The following PLPPR5 variants were observed in gnomAD, a reference collection of about 807,000 sequenced individuals.
PLPPR5 encodes phospholipid phosphatase-related protein type 5.
In PLPPR5, 16 loss-of-function variants were observed where a neutral mutation model predicts 33.9. The ratio of observed to expected loss-of-function variants is 0.47; its 90% confidence interval spans 0.32 to 0.72. PLPPR5 has a LOEUF of 0.72. Ranked by LOEUF, PLPPR5 falls within the 30% of genes least tolerant of loss-of-function variation. The pLI is 0.03. For missense variants in PLPPR5, 301 were observed against 406.7 expected, an observed-to-expected ratio of 0.74 and a Z score of 2.23; for synonymous variants, 163 against 150.3, an observed-to-expected ratio of 1.08 and a Z score of -0.62.
At chr1:98,932,998 C>T (rs537988747) in intron 3 of PLPPR5, among the ~76,000 whole-genome samples, 7 of 152,020 alleles carry the variant, frequency 4.6e-5, no homozygotes, top group Admixed American at 6.5e-5. Flanking sequence ...ATCTATGTAC[C>T]GCCCATTGAT....
At chr1:98,910,572 A>C (rs1261616093) in intron 5 of PLPPR5, among the ~76,000 whole-genome samples, 4 of 152,368 alleles carry the variant, frequency 2.6e-5, no homozygotes, top group East Asian at 3.9e-4. Context: ...GTGATTATAC[A>C]TACATTTAAG....
upstream of PLPPR5, among the ~76,000 whole-genome samples, chr1:99,005,417 T>C (rs1363302526): frequency 3.3e-5 from 5 of 152,108 alleles, no homozygotes; most frequent in Non-Finnish European, 7.4e-5. Context: ...TAGGCGCTGT[T>C]AGAAAAATCT....
intron 1 of PLPPR5, among the ~76,000 whole-genome samples, chr1:98,997,511 G>A (rs1020519942): frequency 6.6e-6 from 1 of 152,130 alleles, no homozygotes; most frequent in Non-Finnish European, 1.5e-5. Context: ...CAAAATGAAC[G>A]AGATGATTCT....
At chr1:98,906,164 A>G (rs1322593754) in intron 5 of PLPPR5, among the ~76,000 whole-genome samples, 5 of 148,104 alleles carry the variant, frequency 3.4e-5, no homozygotes, top group Admixed American at 1.4e-4. Context: ...CAGTGTGTGT[A>G]TATATATATA....
At chr1:98,900,250 G>A (rs1648647874) in intron 5 of PLPPR5, among the ~76,000 whole-genome samples, 4 of 151,910 alleles carry the variant, frequency 2.6e-5, no homozygotes, top group African/African-American at 9.7e-5. Flanking sequence ...TCTTGCCCTC[G>A]TGCCCTTATC....
chr1:98,978,546 A>T (rs72730401), intron 1 of PLPPR5, among the ~76,000 whole-genome samples: 13,840 of 152,100 alleles, frequency 0.091, 732 homozygotes, highest in Non-Finnish European at 0.11. Flanking sequence ...CCTGGAACAC[A>T]TCTTTTGCCA....
intron 1 of PLPPR5, among the ~76,000 whole-genome samples, chr1:98,999,363 G>A (rs1652745241): frequency 6.6e-6 from 1 of 152,172 alleles, no homozygotes; most frequent in Non-Finnish European, 1.5e-5. Flanking sequence ...ACGGAGGCAT[G>A]GAGAGGCTAA....
At chr1:98,919,964 A>G (rs1649485326) in intron 4 of PLPPR5, among the ~76,000 whole-genome samples, 1 of 152,188 alleles carries the variant, frequency 6.6e-6, no homozygotes, top group South Asian at 2.1e-4. Context: ...ACATTCATAA[A>G]TGGCTGTGAA....
At chr1:99,002,454 C>A (rs958791059) in intron 1 of PLPPR5, among the ~76,000 whole-genome samples, 3 of 152,182 alleles carry the variant, frequency 2.0e-5, no homozygotes, top group Non-Finnish European at 2.9e-5. Context: ...ATACAAATGC[C>A]ATACCCACCT....
intron 4 of PLPPR5, 56 bp downstream of exon 4, chr1:98,921,826 G>A: frequency 7.2e-7 from 1 of 1,382,018 alleles, no homozygotes. Flanking sequence ...ATTTTCTCAT[G>A]GTGATTATGC....
intron 1 of PLPPR5, among the ~76,000 whole-genome samples, chr1:98,986,019 G>A (rs1652248920): frequency 6.6e-6 from 1 of 151,998 alleles, no homozygotes; most frequent in African/African-American, 2.4e-5. Context: ...TGTTAAGAAT[G>A]AGTAAATTTG....
intron 3 of PLPPR5, among the ~76,000 whole-genome samples, chr1:98,937,552 A>G (rs1006742127): frequency 4.6e-5 from 7 of 152,114 alleles, no homozygotes; most frequent in Non-Finnish European, 7.3e-5. Context: ...ACTGTGTGGA[A>G]GCCAAGGCAT....
At chr1:98,942,023 C>T (rs1183644917) in intron 3 of PLPPR5, among the ~76,000 whole-genome samples, 1 of 148,562 alleles carries the variant, frequency 6.7e-6, no homozygotes, top group African/African-American at 2.5e-5. Flanking sequence ...TATACGTATA[C>T]ATATATATAT....
At chr1:98,925,961 T>C (rs1649742648) in intron 3 of PLPPR5, among the ~76,000 whole-genome samples, 1 of 152,230 alleles carries the variant, frequency 6.6e-6, no homozygotes, top group African/African-American at 2.4e-5. Flanking sequence ...AGTGAGGACA[T>C]AGAAGCCAAG....
At chr1:98,894,048 A>T (rs1288562628) in intron 5 of PLPPR5, among the ~76,000 whole-genome samples, 1 of 152,076 alleles carries the variant, frequency 6.6e-6, no homozygotes, top group Non-Finnish European at 1.5e-5. Flanking sequence ...TGTGTAAAGA[A>T]ATTAAAATTC....
chr1:98,913,480 G>A lies in PLPPR5; in HGVS notation c.933+1306C>T, dbSNP rs547568766. Among the ~76,000 whole-genome samples the A allele has an allele frequency of 1.2e-4, 19 of 152,250 alleles. No homozygotes were observed. The Middle Eastern group carries it at 0.014, about 109-fold the overall frequency. On this transcript the variant is annotated intron_variant, in intron 5 of 5. Transcript: ENST00000263177. ...GGCAGCCTTATCATGCTGTTGACAC[G>A]TGTTGACTTGGTGCCTATTACACCC...
At chr1:98,958,026 T>C (rs1396184309) in intron 1 of PLPPR5, among the ~76,000 whole-genome samples, 1 of 152,226 alleles carries the variant, frequency 6.6e-6, no homozygotes, top group African/African-American at 2.4e-5. Context: ...GTGTTCTTTT[T>C]AAGGCCAGTC....
intron 1 of PLPPR5, among the ~76,000 whole-genome samples, chr1:98,971,732 T>C (rs1254432671): frequency 6.6e-6 from 1 of 152,096 alleles, no homozygotes; most frequent in African/African-American, 2.4e-5. Context: ...GCAAGCCCCC[T>C]GGCACCAAGG....
chr1:98,893,618 CT>C (rs58092144), intron 5 of PLPPR5, among the ~76,000 whole-genome samples: 3,246 of 90,046 alleles, frequency 0.036, 26 homozygotes, highest in Middle Eastern at 0.097. Context: ...TTCACAGCGC[CT>C]TTTTTTTTTT....
Sources: allele counts gnomAD v4.1 joint callset (sites outside exome capture counted in the v4.1 genomes callset), GRCh38; gene constraint gnomAD v4.1.1; transcripts MANE v1.5; gene names NCBI Gene and HGNC (gene_info 2026-07-23, HGNC 2026-07-21).